The following RAB11FIP3 variants were observed in gnomAD, a reference collection of about 807,000 sequenced individuals.
RAB11FIP3 encodes RAB11 family interacting protein 3, also known as rab11 family-interacting protein 3.
Under a neutral mutation model 77.8 loss-of-function variants are expected in RAB11FIP3, and 17 were observed. The observed-to-expected ratio is 0.22, with a 90% confidence interval of 0.15 to 0.33. The LOEUF (loss-of-function observed/expected upper bound fraction) is 0.33. RAB11FIP3 is among the 10% of genes least tolerant of loss of function. The pLI is 1.00. For synonymous variants in RAB11FIP3, 437 were observed against 448.2 expected (o/e 0.98, Z 0.31); for missense variants, 1,005 against 1,011.2 (o/e 0.99, Z 0.08).
intron 4 of RAB11FIP3, among the ~76,000 whole-genome samples, chr16:487,970 G>C (rs972213415): frequency 6.6e-6 from 1 of 152,234 alleles, no homozygotes; most frequent in Non-Finnish European, 1.5e-5. Context: ...GTGTCGACCT[G>C]TGCTGTCCTG....
chr16:489,875 C>G (rs184634623), intron 5 of RAB11FIP3, among the ~76,000 whole-genome samples: 1 of 152,320 alleles, frequency 6.6e-6, no homozygotes, highest in East Asian at 1.9e-4. Context: ...GGGGACCCTG[C>G]ACGGATATCC....
intron 1 of RAB11FIP3, among the ~76,000 whole-genome samples, chr16:434,256 G>A (rs1596184776): frequency 1.3e-5 from 2 of 152,144 alleles, no homozygotes; most frequent in African/African-American, 4.8e-5. Flanking sequence ...TTAGTAGCTG[G>A]GATTACAAGC....
In RAB11FIP3 at chr16:510,134, C is replaced by T. The variant is rs906335709; in HGVS notation, c.1500-526C>T. 6.1e-5 allele frequency among the ~76,000 whole-genome samples: 9 copies of T among 146,420 alleles called. 1 individual carries two copies. Among genetic ancestry groups the T allele is most frequent in the Middle Eastern group, 3.4e-3 (1 of 294 alleles). Reference sequence around the variant, plus strand: ...CCCGTGCCTCTGGGCTCTGAGCGCACTCGTTGTGTGTAGTGGCCCTGGCAC... The same window carrying T: ...CCCGTGCCTCTGGGCTCTGAGCGCATTCGTTGTGTGTAGTGGCCCTGGCAC... On this transcript the variant is annotated intron_variant, in intron 8 of 13. Transcript: ENST00000262305.
At chr16:502,923 T>A in intron 6 of RAB11FIP3, 81 bp from the exon 7 acceptor site, 1 of 1,130,344 alleles carries the variant, frequency 8.8e-7, no homozygotes, top group Non-Finnish European at 1.3e-6. Flanking sequence ...CTTTTCAGAT[T>A]GACTTGGGAG....
Position 449,500 on chromosome 16 carries a change from G to A in RAB11FIP3, c.715-11904G>A, listed in dbSNP as rs138959295. Among the ~76,000 whole-genome samples, 707 of 152,134 alleles carry A rather than the reference G, an allele frequency of 4.6e-3. 2 individuals carry two copies. Among genetic ancestry groups the A allele is most frequent in the African/African-American group, 0.016 (668 of 41,502 alleles). On this transcript the variant is annotated intron_variant, in intron 1 of 13. Coordinates refer to ENST00000262305, the MANE Select transcript of RAB11FIP3 (RefSeq NM_014700.4). Reference sequence around the variant, plus strand: ...GAGTCTTAAGTTAACATAAATCACAGCTAGGTGTGGTGGCTCACACCTGTA... The same window carrying A: ...GAGTCTTAAGTTAACATAAATCACAACTAGGTGTGGTGGCTCACACCTGTA...
rs1280106036 is a variant in RAB11FIP3, at chr16:510,819, C to T, written c.1640+19C>T. 1.9e-6 allele frequency: 3 copies of T among 1,610,462 alleles called. No homozygotes were observed. Among genetic ancestry groups the T allele is most frequent in the African/African-American group, 2.7e-5 (2 of 74,822 alleles). The stretch of plus-strand genomic sequence containing the variant: ...AGACCAGGTAGGCGGTTCCCAACAG[C>T]CCATCCACCCCAGAACCTGCAGGCC... On this transcript the variant is annotated intron_variant, in intron 9 of 13. Coordinates refer to ENST00000262305, the MANE Select transcript of RAB11FIP3 (RefSeq NM_014700.4).
At chr16:502,559 G>T (rs2031591494) in intron 6 of RAB11FIP3, among the ~76,000 whole-genome samples, 2 of 152,210 alleles carry the variant, frequency 1.3e-5, no homozygotes, top group South Asian at 4.1e-4. Flanking sequence ...ACCTGTGAAA[G>T]TCTGAGATCA....
chr16:510,031 C>T (rs1304812068), intron 8 of RAB11FIP3, among the ~76,000 whole-genome samples: 1 of 152,228 alleles, frequency 6.6e-6, no homozygotes, highest in South Asian at 2.1e-4. Flanking sequence ...CGCCCCGTCC[C>T]GAGGCCCCGT....
intron 1 of RAB11FIP3, among the ~76,000 whole-genome samples, chr16:458,027 G>T (rs1267846537): frequency 2.6e-5 from 4 of 152,252 alleles, no homozygotes. Flanking sequence ...GGATTGGGGC[G>T]ATGGCCCCGG....
chr16:434,934 G>A (rs1343659347), intron 1 of RAB11FIP3, among the ~76,000 whole-genome samples: 6 of 151,794 alleles, frequency 4.0e-5, no homozygotes, highest in Non-Finnish European at 7.4e-5. Context: ...GACCAGGCGC[G>A]GTGGCTCACG....
chr16:515,280 A>T (rs1249467597), intron 9 of RAB11FIP3, among the ~76,000 whole-genome samples: 1 of 152,238 alleles, frequency 6.6e-6, no homozygotes, highest in African/African-American at 2.4e-5. Context: ...CTTTGAAAGG[A>T]GAAAATAGCT....
intron 2 of RAB11FIP3, among the ~76,000 whole-genome samples, chr16:470,822 C>T (rs2055794859): frequency 6.6e-6 from 1 of 152,136 alleles, no homozygotes; most frequent in East Asian, 1.9e-4. Context: ...AAAATGAAAA[C>T]TGCGCGTGAA....
chr16:501,599 AG>A (rs1279710987), intron 6 of RAB11FIP3, among the ~76,000 whole-genome samples: 2 of 134,732 alleles, frequency 1.5e-5, no homozygotes, highest in African/African-American at 5.7e-5. Context: ...AAGCTGGGAG[AG>A]GGTCCCCCCA....
intron 4 of RAB11FIP3, among the ~76,000 whole-genome samples, chr16:488,119 G>A (rs9940455): frequency 0.14 from 21,415 of 152,198 alleles, 2,479 homozygotes; most frequent in African/African-American, 0.32. Context: ...GGTGGCTCAC[G>A]CCTGTAATCC....
At chr16:513,562 C>G (rs2032277973) in intron 9 of RAB11FIP3, among the ~76,000 whole-genome samples, 1 of 152,188 alleles carries the variant, frequency 6.6e-6, no homozygotes, top group Non-Finnish European at 1.5e-5. Context: ...TCTTAAAGTG[C>G]TGGGATTATG....
At chr16:496,624 G>A (rs2031158094) in intron 5 of RAB11FIP3, among the ~76,000 whole-genome samples, 200 bp from the exon 6 acceptor site, 1 of 152,198 alleles carries the variant, frequency 6.6e-6, no homozygotes, top group African/African-American at 2.4e-5. Flanking sequence ...AGACGTATGC[G>A]GCCTCACCCC....
Position 496,810 on chromosome 16 carries a change from T to G in RAB11FIP3, c.1266-14T>G, listed in dbSNP as rs762596575. The G allele has an allele frequency of 8.2e-6, 13 of 1,583,788 alleles. No individual in the cohort carries two copies. Among genetic ancestry groups the G allele is most frequent in the African/African-American group, 8.1e-5 (6 of 74,304 alleles). On this transcript the variant is annotated splice_polypyrimidine_tract_variant and intron_variant, in intron 5 of 13. Coordinates refer to ENST00000262305, the MANE Select transcript of RAB11FIP3 (RefSeq NM_014700.4). ...GTTCTAACAATTTTCCTGTTTATTT[T>G]GTTTTCTGCACAGTCCGACAAAGCG... is the stretch of plus-strand genomic sequence containing the variant.
chr16:464,422 T>G (rs2055668172), intron 2 of RAB11FIP3, among the ~76,000 whole-genome samples: 1 of 152,196 alleles, frequency 6.6e-6, no homozygotes, highest in Non-Finnish European at 1.5e-5. Context: ...GCCTTGAGGC[T>G]TGCTGCATGG....
intron 7 of RAB11FIP3, among the ~76,000 whole-genome samples, chr16:503,829 G>A (rs950490410): frequency 4.0e-5 from 6 of 151,782 alleles, no homozygotes; most frequent in African/African-American, 9.7e-5. Context: ...GCAGTGAGCC[G>A]AGATTGCACG....
Sources: gnomAD v4.1 joint callset for allele counts (sites outside exome capture counted in the v4.1 genomes callset) on GRCh38, gnomAD v4.1.1 for gene constraint, MANE v1.5 for transcripts, NCBI Gene and HGNC (gene_info 2026-07-23, HGNC 2026-07-21) for gene names.